ECD: variants seen among roughly 807,000 people sequenced by gnomAD.
ECD encodes the protein protein ecdysoneless homolog.
Under a neutral mutation model 77.2 loss-of-function variants are expected in ECD, and 59 were observed. The ratio of observed to expected loss-of-function variants is 0.76; its 90% CI spans 0.62 to 0.95. The LOEUF is 0.95. ECD is among the 40% of genes least tolerant of loss of function. The probability of loss-of-function intolerance (pLI) is 0.00; values close to 1 mark genes in which losing one functional copy is unlikely to be tolerated. For synonymous variants in ECD, 233 were observed against 267.4 expected, an observed-to-expected ratio of 0.87 and a Z score of 1.26; for missense variants, 704 against 763.4, an observed-to-expected ratio of 0.92 and a Z score of 0.92.
At chr10:73,145,586 T>A (rs1009690307) in intron 9 of ECD, among the ~76,000 whole-genome samples, 1 of 151,992 alleles carries the variant, frequency 6.6e-6, no homozygotes, top group Non-Finnish European at 1.5e-5. Context: ...CTACTTGTAA[T>A]TTTTTCCCCA....
At chr10:73,147,660 T>A (rs907389431) in intron 8 of ECD, among the ~76,000 whole-genome samples, 1 of 152,204 alleles carries the variant, frequency 6.6e-6, no homozygotes, top group Admixed American at 6.5e-5. Context: ...TTCTTGGATA[T>A]TTCCTTTAAA....
intron 12 of ECD, 129 bp downstream of exon 12, chr10:73,137,874 G>T: frequency 1.6e-6 from 1 of 609,762 alleles, no homozygotes; most frequent in Non-Finnish European, 2.6e-6. Flanking sequence ...ATTCATGGTT[G>T]AAAGCAACTC....
chr10:73,153,761 T>C (rs1248745433), intron 6 of ECD, among the ~76,000 whole-genome samples: 1 of 142,636 alleles, frequency 7.0e-6, no homozygotes, highest in African/African-American at 2.6e-5. Context: ...GAAATAATTA[T>C]AGAAATAGAA....
chr10:73,161,751 A>G (rs1293373343), intron 2 of ECD, among the ~76,000 whole-genome samples: 1 of 152,256 alleles, frequency 6.6e-6, no homozygotes, highest in Admixed American at 6.5e-5. Context: ...GTAGATCAAT[A>G]TCCCTGATGA....
rs142211740 is a variant in ECD, at chr10:73,163,951, CTA to C, written c.-13-3_-13-2del. The C allele has an allele frequency of 5.9e-3, 9,570 of 1,613,248 alleles. 318 individuals carry two copies. In the African/African-American group the frequency reaches 0.085, roughly 14 times the overall value. On this transcript the variant is annotated splice_acceptor_variant and splice_polypyrimidine_tract_variant and intron_variant, in intron 1 of 13. Transcript: ENST00000372979. LOFTEE classifies it low-confidence loss of function (5UTR_SPLICE). ...GGTTTCTTCCATTCTTCTTTGAAAA[CTA>C]TGTTTAAAGTTCCAAAATATAAACC...
chr10:73,134,454 A>G lies in ECD; in HGVS notation c.*129T>C. ...GCCAAGAGGGCCACATTTGGGGCTC[A>G]TGGAGAAGTCAATCTGTAAAACTTG... is the stretch of plus-strand genomic sequence containing the variant. On this transcript the variant is annotated 3_prime_UTR_variant, in exon 14 of 14. Transcript: ENST00000372979. 1.1e-6 allele frequency: 1 copy of G among 892,822 alleles called. No homozygotes were observed. The highest frequency in any genetic ancestry group is 2.7e-5 in the East Asian group (1 of 37,506). 55.3% of individuals were successfully genotyped at this position (892,822 alleles called of 1,614,324 possible).
At chr10:73,147,498 C>T (rs1360476552) in intron 8 of ECD, among the ~76,000 whole-genome samples, 1 of 150,822 alleles carries the variant, frequency 6.6e-6, no homozygotes, top group Non-Finnish European at 1.5e-5. Flanking sequence ...TGTAGTGAGC[C>T]AAGATTGTGC....
Position 73,152,183 on chromosome 10 carries a change from C to T in ECD, c.912+110G>A, listed in dbSNP as rs527991179. On this transcript the variant is annotated intron_variant, in intron 7 of 13. Coordinates refer to ENST00000372979, the MANE Select transcript of ECD (RefSeq NM_007265.3). ...TAATTTGAAATGCCACATTTTACTG[C>T]ATTCTTACATAAACAGGGTGTATTT... is the stretch of plus-strand genomic sequence containing the variant. 3.0e-5 allele frequency: 39 copies of T among 1,298,564 alleles called. No individual in the cohort carries two copies. The South Asian group carries it at 5.6e-4, about 19-fold the overall frequency. 80.4% of individuals were successfully genotyped at this position (1,298,564 alleles called of 1,614,324 possible). A position where few individuals can be genotyped will look rare whatever the true frequency, so the allele number is the denominator to read the frequency against.
At chr10:73,138,574 GT>G (rs111768045) in intron 11 of ECD, among the ~76,000 whole-genome samples, 5 of 147,494 alleles carry the variant, frequency 3.4e-5, no homozygotes, top group Non-Finnish European at 3.0e-5. Flanking sequence ...TTTTTGTTTT[GT>G]TTTTTTTTTG....
In ECD at chr10:73,134,300, A is replaced by C; in HGVS notation, c.*283T>G. On this transcript the variant is annotated 3_prime_UTR_variant, in exon 14 of 14. Coordinates refer to ENST00000372979, the MANE Select transcript of ECD (RefSeq NM_007265.3). Reference sequence around the variant, plus strand: ...AAATATTTAGAATTACTCCAAGGGTATATTGTGGTAGGGTATGTCTTTAGC... The same window carrying C: ...AAATATTTAGAATTACTCCAAGGGTCTATTGTGGTAGGGTATGTCTTTAGC... 1 of 315,672 alleles carries C rather than the reference A, an allele frequency of 3.2e-6. No homozygotes were observed. 19.6% of individuals were successfully genotyped at this position (315,672 alleles called of 1,614,324 possible). A position where few individuals can be genotyped will look rare whatever the true frequency, so the allele number is the denominator to read the frequency against.
rs144473989 is a variant in ECD, at chr10:73,151,824, A to C, written c.912+469T>G. Among the ~76,000 whole-genome samples the C allele has an allele frequency of 2.7e-4, 41 of 152,280 alleles. No homozygotes were observed. In the East Asian group the frequency reaches 7.3e-3, roughly 27 times the overall value. On this transcript the variant is annotated intron_variant, in intron 7 of 13. Transcript: ENST00000372979. ...GAGAAGTCAGCTCTTTTTCATTTAGATTGCAAATATAACACTTTTTCCAGA... is the reference window on the plus strand; with the variant it reads ...GAGAAGTCAGCTCTTTTTCATTTAGCTTGCAAATATAACACTTTTTCCAGA...
intron 12 of ECD, 76 bp from the exon 13 acceptor site, chr10:73,136,994 C>A: frequency 1.5e-6 from 1 of 670,228 alleles, no homozygotes; most frequent in Non-Finnish European, 2.0e-6. Context: ...TATTTAGTTA[C>A]TACACATCTC....
At chr10:73,156,121 T>C (rs1339770783) in intron 5 of ECD, among the ~76,000 whole-genome samples, 154 bp downstream of exon 5, 1 of 151,948 alleles carries the variant, frequency 6.6e-6, no homozygotes, top group Non-Finnish European at 1.5e-5. Flanking sequence ...AAATGAAAAT[T>C]AGCATTAATC....
Position 73,134,479 on chromosome 10 carries a change from G to T in ECD, c.*104C>A. The T allele has an allele frequency of 8.8e-7, 1 of 1,131,836 alleles. No individual in the cohort carries two copies. 70.1% of individuals were successfully genotyped at this position (1,131,836 alleles called of 1,614,324 possible). The stretch of plus-strand genomic sequence containing the variant: ...ATGGAGAAGTCAATCTGTAAAACTT[G>T]TAATGAAGAAACATTTTTACTAAAT... On this transcript the variant is annotated 3_prime_UTR_variant, in exon 14 of 14. Coordinates refer to ENST00000372979, the MANE Select transcript of ECD (RefSeq NM_007265.3).
At position 73,152,416 on chromosome 10, in the gene ECD, T is replaced by G; in HGVS notation, c.789A>C (p.Thr263=). The stretch of plus-strand genomic sequence containing the variant: ...ATTGTGCATATAGACATTTAGTGAA[T>G]GTGACCTGGGCATCAAGACACAAAA... ...LPETRIMTSV[T]FTKCLYAQLV... is the part of the protein sequence containing the mutation. Residue 263 remains threonine (T), a synonymous_variant, in exon 7 of 14, where the codon ACA becomes ACC. Transcript: ENST00000372979. 1 of 1,612,400 alleles carries G rather than the reference T, an allele frequency of 6.2e-7. No homozygotes were observed. The highest frequency in any genetic ancestry group is 8.5e-7 in the Non-Finnish European group (1 of 1,178,666).
In ECD at chr10:73,139,580, T is replaced by C; in HGVS notation, c.1234+51A>G. 2.5e-6 allele frequency: 4 copies of C among 1,584,080 alleles called. No homozygotes were observed. In the South Asian group the frequency reaches 3.5e-5, roughly 14 times the overall value. On this transcript the variant is annotated intron_variant, in intron 10 of 13. Transcript: ENST00000372979. ...GGATCCTGTGAGACTGAGTAGAACA[T>C]TTTAATTTTTTTTTTTTAACCCTTC...
chr10:73,160,254 C>G (rs1843357646), intron 3 of ECD, among the ~76,000 whole-genome samples, 180 bp downstream of exon 3: 1 of 150,694 alleles, frequency 6.6e-6, no homozygotes. Context: ...CCACTGCACT[C>G]CAGCCTGGGT....
intron 9 of ECD, among the ~76,000 whole-genome samples, chr10:73,142,440 C>CT (rs1843070525): frequency 6.6e-6 from 1 of 151,866 alleles, no homozygotes; most frequent in Non-Finnish European, 1.5e-5. Context: ...CGAGACCATC[C>CT]TGGCCAACAT....
chr10:73,146,389 A>T (rs1353394540), intron 8 of ECD, 28 bp from the exon 9 acceptor site: 3 of 1,477,478 alleles, frequency 2.0e-6, no homozygotes, highest in Non-Finnish European at 2.8e-6. Context: ...GTCTATCAGA[A>T]CATTACTCAC....
Sources: gnomAD v4.1 joint callset for allele counts (sites outside exome capture counted in the v4.1 genomes callset) on GRCh38, gnomAD v4.1.1 for gene constraint, MANE v1.5 for transcripts, NCBI Gene and HGNC (gene_info 2026-07-23, HGNC 2026-07-21) for gene names.